PIAS4: variants seen among roughly 807,000 people sequenced by gnomAD.
The protein encoded by PIAS4 is protein inhibitor of activated STAT 4, also known as E3 SUMO-protein ligase PIAS4.
A neutral mutation model predicts 58.0 loss-of-function variants in PIAS4; 7 were observed. That is an observed-to-expected ratio of 0.12 (90% confidence interval 0.07 to 0.23). PIAS4 has a LOEUF of 0.23. Ranked by LOEUF, PIAS4 falls within the 10% of genes least tolerant of loss-of-function variation. The pLI, the probability that PIAS4 is intolerant of heterozygous loss-of-function variation, is 1.00. For synonymous variants in PIAS4, 364 were observed against 312.4 expected (o/e 1.17, Z -1.74); for missense variants, 550 against 709.5 (o/e 0.78, Z 2.55).
At chr19:4,022,999 C>G (rs889214361) in intron 2 of PIAS4, among the ~76,000 whole-genome samples, 2 of 151,596 alleles carry the variant, frequency 1.3e-5, no homozygotes, top group Non-Finnish European at 2.9e-5. Flanking sequence ...TGGAGAAACC[C>G]TACCTCTACT....
In PIAS4 at chr19:4,013,115, G is replaced by C. The variant is rs1158975672; in HGVS notation, c.220G>C (p.Ala74Pro). 3.7e-6 allele frequency: 6 copies of C among 1,613,252 alleles called. No individual in the cohort carries two copies. In the African/African-American group the frequency reaches 4.0e-5, roughly 11 times the overall value. ...CTACGCCAAGAAGAACTCGGAGCCT[G>C]CCCCACAGCCGCACCGGCCCCTGGA... ...TRYAKKNSEP[A>P]PQPHRPLDPL... Residue 74 changes from alanine (A) to proline (P), a missense_variant, in exon 2 of 11, where the codon GCC becomes CCC. By Grantham distance (27) the Ala-to-Pro change is conservative (BLOSUM62 -1). This residue lies in a region of PIAS4 where 95 missense variants were observed against 87.5 expected (regional missense o/e 1.09). Transcript: ENST00000262971. The surrounding 1 kb of genome is among the most constrained non-coding windows in gnomAD (Gnocchi z 5.1).
At chr19:4,009,564 G>GCCCCCC (rs113892857) in intron 1 of PIAS4, among the ~76,000 whole-genome samples, 2 of 150,562 alleles carry the variant, frequency 1.3e-5, no homozygotes, top group South Asian at 2.1e-4. Flanking sequence ...TGGTGGCTGG[G>GCCCCCC]CCCCCCCCCA....
At chr19:4,008,590 T>C (rs143387758) in intron 1 of PIAS4, among the ~76,000 whole-genome samples, 318 of 152,274 alleles carry the variant, frequency 2.1e-3, no homozygotes, top group African/African-American at 7.2e-3. Context: ...ATTCTCCTTT[T>C]TTTAATCTTA....
chr19:4,017,190 AG>A (rs2040060892), intron 2 of PIAS4, among the ~76,000 whole-genome samples: 1 of 152,050 alleles, frequency 6.6e-6, no homozygotes, highest in South Asian at 2.1e-4. Context: ...GCTCTGCCCC[AG>A]GTCTTGGCCT....
At chr19:4,014,361 A>G (rs1162395548) in intron 2 of PIAS4, among the ~76,000 whole-genome samples, 2 of 152,162 alleles carry the variant, frequency 1.3e-5, no homozygotes, top group Admixed American at 6.5e-5. Context: ...TGCCTCAGCC[A>G]TAGCCCTGAG....
At chr19:4,031,343 A>T (rs2040220939) in intron 7 of PIAS4, among the ~76,000 whole-genome samples, 1 of 152,134 alleles carries the variant, frequency 6.6e-6, no homozygotes, top group Non-Finnish European at 1.5e-5. Context: ...GCAGAGCAGG[A>T]CGTGGAGGGT....
chr19:4,031,121 A>G (rs1323722654), intron 7 of PIAS4, among the ~76,000 whole-genome samples: 1 of 152,032 alleles, frequency 6.6e-6, no homozygotes, highest in Non-Finnish European at 1.5e-5. Context: ...TGCCCAGGCC[A>G]GAGAGTTCCC....
chr19:4,019,077 G>A (rs2040082344), intron 2 of PIAS4, among the ~76,000 whole-genome samples: 2 of 152,144 alleles, frequency 1.3e-5, no homozygotes, highest in Non-Finnish European at 2.9e-5. Flanking sequence ...CACCGGGCGG[G>A]ATTTGAAAAC....
At chr19:4,018,637 G>A (rs905174819) in intron 2 of PIAS4, 2 of 152,242 alleles carry the variant, frequency 1.3e-5, no homozygotes, top group Admixed American at 6.5e-5. Flanking sequence ...GGCAGCCCAC[G>A]AAACCATCTC....
chr19:4,033,980 G>A (rs2040250625), intron 9 of PIAS4, among the ~76,000 whole-genome samples: 1 of 151,362 alleles, frequency 6.6e-6, no homozygotes, highest in Non-Finnish European at 1.5e-5. Context: ...AAAGGAGGTG[G>A]CGCCTCCTGG....
At chr19:4,023,612 C>T (rs566038344) in intron 2 of PIAS4, among the ~76,000 whole-genome samples, 7 of 152,344 alleles carry the variant, frequency 4.6e-5, no homozygotes, top group Non-Finnish European at 7.4e-5. Context: ...CACCTCTGTC[C>T]GGGTGACGTG....
At position 4,037,413 on chromosome 19, in the gene PIAS4, C is replaced by T. The variant is rs748518702; in HGVS notation, c.1182C>T (p.Asp394=). The T allele has an allele frequency of 6.2e-6, 10 of 1,610,798 alleles. No homozygotes were observed. Among genetic ancestry groups the T allele is most frequent in the African/African-American group, 2.7e-5 (2 of 74,876 alleles). ...SKILSECEDA[D]EIEYLVDGSW... ...TCCTGAGCGAGTGTGAGGACGCCGA[C>T]GAGATCGAGTACCTGGTGGACGGCT... The change falls in exon 10 of 11, where the codon GAC becomes GAT. Residue 394 remains aspartate, a synonymous_variant. Transcript: ENST00000262971. The surrounding 1 kb of genome is among the most constrained non-coding windows in gnomAD (Gnocchi z 5.8).
chr19:4,014,850 C>T (rs1400872754), intron 2 of PIAS4, among the ~76,000 whole-genome samples: 2 of 152,202 alleles, frequency 1.3e-5, no homozygotes, highest in South Asian at 4.1e-4. Context: ...GCTGCTTTTC[C>T]CCTCCCATCT....
At chr19:4,029,394 G>A (rs2040200646) in intron 7 of PIAS4, among the ~76,000 whole-genome samples, 1 of 152,184 alleles carries the variant, frequency 6.6e-6, no homozygotes, top group African/African-American at 2.4e-5. Context: ...TGTGGTCTAA[G>A]CAGCCCCTTC....
intron 2 of PIAS4, among the ~76,000 whole-genome samples, chr19:4,018,034 A>G (rs1599219254): frequency 1.3e-5 from 2 of 152,314 alleles, no homozygotes; most frequent in Non-Finnish European, 1.5e-5. Flanking sequence ...CTTGTCTTGA[A>G]TTCCTAACCT....
chr19:4,029,505 G>A lies in PIAS4; in HGVS notation c.907+469G>A, dbSNP rs550859946. 2.6e-5 allele frequency among the ~76,000 whole-genome samples: 4 copies of A among 152,248 alleles called. No individual in the cohort carries two copies. In the East Asian group the frequency reaches 5.8e-4, roughly 22 times the overall value. On this transcript the variant is annotated intron_variant, in intron 7 of 10. Coordinates refer to ENST00000262971, the MANE Select transcript of PIAS4 (RefSeq NM_015897.4). Reference sequence around the variant, plus strand: ...TGTGGGAGGAAGACGGGCGGCGGCGGTCTGACCTCACGTTGGTGAGGCCCC... The same window carrying A: ...TGTGGGAGGAAGACGGGCGGCGGCGATCTGACCTCACGTTGGTGAGGCCCC...
intron 4 of PIAS4, 130 bp from the exon 5 acceptor site, chr19:4,028,380 T>C (rs1387372569): frequency 1.1e-5 from 9 of 810,250 alleles, no homozygotes; most frequent in Non-Finnish European, 1.8e-5. Context: ...CCGGGGGCCC[T>C]GATACCCCCC....
intron 7 of PIAS4, among the ~76,000 whole-genome samples, chr19:4,031,458 CAG>C (rs1249281708): frequency 1.3e-5 from 2 of 152,210 alleles, no homozygotes. Flanking sequence ...CACTGAGGCA[CAG>C]AGTGGCAAAG....
chr19:4,013,423 A>G lies in PIAS4; in HGVS notation c.454+74A>G. 2 of 1,343,172 alleles carry G rather than the reference A, an allele frequency of 1.5e-6. No individual in the cohort carries two copies. The highest frequency in any genetic ancestry group is 1.0e-6 in the Non-Finnish European group (1 of 964,966). The allele number at this position is 1,343,172 out of a possible 1,614,324, so 83.2% of individuals were successfully genotyped here. ...CCGTCGCCCAGCCCAGCCCAGCCACACAGCCGACTTCGAGTGATGTTCTCT... is the reference window on the plus strand; with the variant it reads ...CCGTCGCCCAGCCCAGCCCAGCCACGCAGCCGACTTCGAGTGATGTTCTCT... On this transcript the variant is annotated intron_variant, in intron 2 of 10. Coordinates refer to ENST00000262971, the MANE Select transcript of PIAS4 (RefSeq NM_015897.4). This position sits in a 1 kb window ranked among gnomAD's most constrained non-coding sequence, Gnocchi z 5.1.
Sources: allele counts gnomAD v4.1 joint callset (sites outside exome capture counted in the v4.1 genomes callset), GRCh38; gene constraint gnomAD v4.1.1; regional missense constraint gnomAD v4.1.1; non-coding constraint Gnocchi (gnomAD v3.1); transcripts MANE v1.5; gene names NCBI Gene and HGNC (gene_info 2026-07-23, HGNC 2026-07-21).